OR5W2: variants seen among roughly 807,000 people sequenced by gnomAD.
OR5W2 encodes olfactory receptor family 5 subfamily W member 2.
For missense variants in OR5W2, 444 were observed against 357.1 expected (o/e 1.24, Z -1.96); for synonymous variants, 164 against 138.2 (o/e 1.19, Z -1.31).
At position 55,913,850 on chromosome 11, in the gene OR5W2, A is replaced by G; in HGVS notation, c.733T>C (p.Leu245=). The part of the protein sequence containing the change: ...FKALSTCTSH[L]SAVAIFQGTL... ...CCCTGGAAAATTGCAACCGCAGATA[A>G]GTGGGAAGTGCATGTAGAGAGAGCT... is the stretch of plus-strand genomic sequence containing the variant. Residue 245 remains leucine, a synonymous_variant, in exon 1 of 1, where the codon TTA becomes CTA. Coordinates refer to ENST00000344514, the MANE Select transcript of OR5W2 (RefSeq NM_001001960.1). The G allele has an allele frequency of 6.2e-7, 1 of 1,614,062 alleles. No individual in the cohort carries two copies. Among genetic ancestry groups the G allele is most frequent in the Admixed American group, 1.7e-5 (1 of 60,016 alleles).
rs1277173553 is a variant in OR5W2, at chr11:55,914,050, A to T, written c.533T>A (p.Phe178Tyr). Residue 178 changes from phenylalanine (F) to tyrosine (Y), a missense_variant, in exon 1 of 1, where the codon TTC becomes TAC. Physicochemically the swap from Phe to Tyr is conservative, Grantham distance 22. Transcript: ENST00000344514. ...TAATAAGAGAGGAGGGATATCACAG[A>T]AGAAATGATTAATCTCATTAGACCC... ...FCGSNEINHF[F>Y]CDIPPLLLLS... The T allele has an allele frequency of 6.2e-7, 1 of 1,613,900 alleles. No individual in the cohort carries two copies. The highest frequency in any genetic ancestry group is 2.2e-5 in the East Asian group (1 of 44,882).
rs756695449 is a variant in OR5W2 at position 55,914,448 on chromosome 11, C to G, written c.135G>C (p.Met45Ile). Residue 45 changes from methionine to isoleucine, a missense_variant, in exon 1 of 1, where the codon ATG (methionine) becomes ATC (isoleucine). Met to Ile is a conservative substitution (Grantham distance 10). Coordinates refer to ENST00000344514, the MANE Select transcript of OR5W2 (RefSeq NM_001001960.1). The stretch of plus-strand genomic sequence containing the variant: ...GGTAATCCATTCTGATTAAAACTAT[C>G]ATTCCAAGATTTGCTGAGAAATTAA... ...YIINFSANLG[M>I]IVLIRMDYQL... 4 of 1,613,620 alleles carry G rather than the reference C, an allele frequency of 2.5e-6. No individual in the cohort carries two copies. The highest frequency in any genetic ancestry group is 3.4e-6 in the Non-Finnish European group (4 of 1,179,676).
chr11:55,914,510 C>T lies in OR5W2; in HGVS notation c.73G>A (p.Val25Met). ...GCCAAGAATACAGCAAATAGGGTCA[C>T]TTTCATCTCTGGGTTATTGGTAATT... ...LGITNNPEMK[V>M]TLFAVFLAVY... Residue 25 changes from valine to methionine, a missense_variant, in exon 1 of 1, where the codon GTG becomes ATG. Physicochemically the swap from Val to Met is conservative, Grantham distance 21. Coordinates refer to ENST00000344514, the MANE Select transcript of OR5W2 (RefSeq NM_001001960.1). 1 of 1,613,628 alleles carries T rather than the reference C, an allele frequency of 6.2e-7. No homozygotes were observed. The highest frequency in any genetic ancestry group is 8.5e-7 in the Non-Finnish European group (1 of 1,179,684).
rs1445695543 is a variant in OR5W2, at chr11:55,913,781, G to C, written c.802C>G (p.Leu268Val). The C allele has an allele frequency of 6.2e-7, 1 of 1,614,062 alleles. No individual in the cohort carries two copies. Among genetic ancestry groups the C allele is most frequent in the Admixed American group, 1.7e-5 (1 of 60,014 alleles). The change falls in exon 1 of 1, where the codon CTA becomes GTA. Residue 268 changes from leucine (L) to valine (V), a missense_variant. Physicochemically the swap from Leu to Val is conservative, Grantham distance 32 (BLOSUM62 1). Coordinates refer to ENST00000344514, the MANE Select transcript of OR5W2 (RefSeq NM_001001960.1). ...MYFRPSSSYSLDQDKMTSLFY... is the reference protein window; with the variant it reads ...MYFRPSSSYSVDQDKMTSLFY... ...AATGAGGTCATTTTATCTTGATCTA[G>C]AGAATAGGAAGAACTTGGCCGGAAA...
Position 55,914,447 on chromosome 11 carries a change from T to C in OR5W2, c.136A>G (p.Ile46Val). 1 of 1,613,780 alleles carries C rather than the reference T, an allele frequency of 6.2e-7. No individual in the cohort carries two copies. Among genetic ancestry groups the C allele is most frequent in the Non-Finnish European group, 8.5e-7 (1 of 1,179,672 alleles). The change falls in exon 1 of 1, where the codon ATA becomes GTA. Residue 46 changes from isoleucine to valine, a missense_variant. Transcript: ENST00000344514. ...TGGTAATCCATTCTGATTAAAACTA[T>C]CATTCCAAGATTTGCTGAGAAATTA... ...IINFSANLGM[I>V]VLIRMDYQLH...
rs34573569 is a variant in OR5W2, at chr11:55,913,654, A to T, written c.929T>A (p.Phe310Tyr). Residue 310 changes from phenylalanine (F) to tyrosine (Y), a missense_variant, in exon 1 of 1, where the codon TTT becomes TAT. Phe to Tyr is a conservative substitution (Grantham distance 22, BLOSUM62 3). Coordinates refer to ENST00000344514, the MANE Select transcript of OR5W2 (RefSeq NM_001001960.1). ...ACATGTATTTTTACTATTTCCTTAAAATAAAATTTTATTTTTCAGTTTTTT... is the reference window on the plus strand; with the variant it reads ...ACATGTATTTTTACTATTTCCTTAATATAAAATTTTATTTTTCAGTTTTTT... ...ALKKLKNKIL[F>Y] 0.082 allele frequency: 127,715 copies of T among 1,556,640 alleles called. 5,474 individuals carry two copies. Among genetic ancestry groups the T allele is most frequent in the African/African-American group, 0.12 (8,771 of 72,192 alleles).
Position 55,913,955 on chromosome 11 carries a change from T to A in OR5W2, c.628A>T (p.Thr210Ser). Reference protein sequence around the residue: ...FTVFGFIELSTISGVFISYCY... With the variant: ...FTVFGFIELSSISGVFISYCY... ...TAAGAAATGAAAACTCCTGAAATGG[T>A]ACTCAGTTCAATAAAACCAAAGACG... Residue 210 changes from threonine (T) to serine (S), a missense_variant, in exon 1 of 1, where the codon ACC becomes TCC. Coordinates refer to ENST00000344514, the MANE Select transcript of OR5W2 (RefSeq NM_001001960.1). 6.2e-7 allele frequency: 1 copy of A among 1,613,858 alleles called. No homozygotes were observed. Among genetic ancestry groups the A allele is most frequent in the South Asian group, 1.1e-5 (1 of 91,074 alleles).
At position 55,913,729 on chromosome 11, in the gene OR5W2, A is replaced by G; in HGVS notation, c.854T>C (p.Leu285Ser). The G allele has an allele frequency of 6.2e-7, 1 of 1,614,042 alleles. No individual in the cohort carries two copies. The highest frequency in any genetic ancestry group is 8.5e-7 in the Non-Finnish European group (1 of 1,179,874). The change falls in exon 1 of 1, where the codon TTG (leucine) becomes TCG (serine). Residue 285 changes from leucine to serine, a missense_variant. Leu to Ser is a moderately radical substitution (Grantham distance 145). Transcript: ENST00000344514. ...SLFYTLVVPMLNPLIYSLRNK... is the reference protein window; with the variant it reads ...SLFYTLVVPMSNPLIYSLRNK... ...CCTCAGGCTATAAATCAGGGGGTTC[A>G]ACATGGGAACCACAAGGGTGTAAAA...
rs761026372 is a variant in OR5W2 at position 55,913,674 on chromosome 11, T to C, written c.909A>G (p.Lys303=). The change falls in exon 1 of 1, where the codon AAA becomes AAG. Residue 303 remains lysine (K), a synonymous_variant. Transcript: ENST00000344514. The stretch of plus-strand genomic sequence containing the variant: ...CTTAAAATAAAATTTTATTTTTCAG[T>C]TTTTTCAGGGCCTCTTTCACATCCT... ...RNKDVKEALK[K]LKNKILF The C allele has an allele frequency of 6.3e-7, 1 of 1,584,038 alleles. No homozygotes were observed. The highest frequency in any genetic ancestry group is 8.5e-7 in the Non-Finnish European group (1 of 1,169,620).
rs1854919981 is a variant in OR5W2, at chr11:55,914,385, C to G, written c.198G>C (p.Leu66=). 2 of 1,613,968 alleles carry G rather than the reference C, an allele frequency of 1.2e-6. No individual in the cohort carries two copies. Among genetic ancestry groups the G allele is most frequent in the East Asian group, 2.2e-5 (1 of 44,878 alleles). The part of the protein sequence containing the change: ...HTPMYFFLSH[L]SFCDLCYSTA... ...TAGAATAGCAGAGATCACAGAAAGACAGATGACTGAGGAAGAAATACATTG... is the reference window on the plus strand; with the variant it reads ...TAGAATAGCAGAGATCACAGAAAGAGAGATGACTGAGGAAGAAATACATTG... The change falls in exon 1 of 1, where the codon CTG becomes CTC. Residue 66 remains leucine (L), a synonymous_variant. Coordinates refer to ENST00000344514, the MANE Select transcript of OR5W2 (RefSeq NM_001001960.1).
rs762437896 is a variant in OR5W2, at chr11:55,914,308, A to G, written c.275T>C (p.Ile92Thr). The change falls in exon 1 of 1, where the codon ATA (isoleucine) becomes ACA (threonine). Residue 92 changes from isoleucine to threonine, a missense_variant. By Grantham distance (89) the Ile-to-Thr change is moderately conservative. Coordinates refer to ENST00000344514, the MANE Select transcript of OR5W2 (RefSeq NM_001001960.1). ...TTGCAGAGCACAGCCATAGAAGGGT[A>G]TTGACTTGTTCTTGGCAAGTAGATC... ...LVDLLAKNKS[I>T]PFYGCALQFL... 7.4e-6 allele frequency: 12 copies of G among 1,614,178 alleles called. No individual in the cohort carries two copies. The highest frequency in any genetic ancestry group is 3.3e-5 in the Admixed American group (2 of 60,030).
chr11:55,914,023 A>G lies in OR5W2; in HGVS notation c.560T>C (p.Leu187Pro). 2.5e-6 allele frequency: 4 copies of G among 1,613,392 alleles called. No individual in the cohort carries two copies. Among genetic ancestry groups the G allele is most frequent in the African/African-American group, 1.3e-5 (1 of 75,040 alleles). ...FFCDIPPLLLLSRSDTQVNEL... is the reference protein window; with the variant it reads ...FFCDIPPLLLPSRSDTQVNEL... Reference sequence around the variant, plus strand: ...ATTGACCTGTGTATCTGAGCGAGAGAGTAATAAGAGAGGAGGGATATCACA... The same window carrying G: ...ATTGACCTGTGTATCTGAGCGAGAGGGTAATAAGAGAGGAGGGATATCACA... Residue 187 changes from leucine to proline, a missense_variant, in exon 1 of 1, where the codon CTC becomes CCC. By Grantham distance (98) the Leu-to-Pro change is moderately conservative (BLOSUM62 -3). Coordinates refer to ENST00000344514, the MANE Select transcript of OR5W2 (RefSeq NM_001001960.1).
rs2457239 is a variant in OR5W2, at chr11:55,914,018, G to A, written c.565C>T (p.Arg189Cys). The change falls in exon 1 of 1, where the codon CGC becomes TGC. Residue 189 changes from arginine to cysteine, a missense_variant. Physicochemically the swap from Arg to Cys is radical, Grantham distance 180. Transcript: ENST00000344514. ...CDIPPLLLLS[R>C]SDTQVNELVL... is the part of the protein sequence containing the mutation. ...AACTCATTGACCTGTGTATCTGAGC[G>A]AGAGAGTAATAAGAGAGGAGGGATA... The A allele has an allele frequency of 1, 1,613,447 of 1,613,654 alleles. 806,620 individuals are homozygous for A. The highest frequency in any genetic ancestry group is 1 in the Middle Eastern group (6,058 of 6,058).
At position 55,914,568 on chromosome 11, in the gene OR5W2, AT is replaced by A. The variant is rs1346171195; in HGVS notation, c.14del (p.Asn5IlefsTer5). The A allele has an allele frequency of 6.3e-7, 1 of 1,593,184 alleles. No individual in the cohort carries two copies. Among genetic ancestry groups the A allele is most frequent in the African/African-American group, 1.3e-5 (1 of 74,390 alleles). ...GAAAAAAATCAGTTAATGAGGAGCA[AT>A]TTTCCCAGTCCATTCTTCCTTGTTC... Reference protein sequence around the residue: MDWENCSSLTDFFLL... With the variant: MDWEXCSSLTDFFLL... On this transcript the variant is annotated frameshift_variant, in exon 1 of 1. Coordinates refer to ENST00000344514, the MANE Select transcript of OR5W2 (RefSeq NM_001001960.1). LOFTEE classifies it low-confidence loss of function (END_TRUNC).
At position 55,913,719 on chromosome 11, in the gene OR5W2, CAGGGGG is replaced by C; in HGVS notation, c.858_863del (p.Asn286_Leu288delinsLys). 1 of 1,613,902 alleles carries C rather than the reference CAGGGGG, an allele frequency of 6.2e-7. No individual in the cohort carries two copies. Among genetic ancestry groups the C allele is most frequent in the Non-Finnish European group, 8.5e-7 (1 of 1,179,916 alleles). On this transcript the variant is annotated inframe_deletion, in exon 1 of 1. Transcript: ENST00000344514. ...CATCCTTGTTCCTCAGGCTATAAAT[CAGGGGG>C]TTCAACATGGGAACCACAAGGGTGT...
rs560416115 is a variant in OR5W2 at position 55,914,216 on chromosome 11, A to G, written c.367T>C (p.Tyr123His). The G allele has an allele frequency of 2.5e-6, 4 of 1,614,108 alleles. No homozygotes were observed. The highest frequency in any genetic ancestry group is 2.7e-5 in the African/African-American group (2 of 75,048). The change falls in exon 1 of 1, where the codon TAC becomes CAC. Residue 123 changes from tyrosine to histidine, a missense_variant. Coordinates refer to ENST00000344514, the MANE Select transcript of OR5W2 (RefSeq NM_001001960.1). ...LLLSVMAFDR[Y>H]KAIINPLLYT... Reference sequence around the variant, plus strand: ...AGCAGGGGGTTGATGATGGCCTTGTACCGATCAAAGGCCATCACTGACAGC... The same window carrying G: ...AGCAGGGGGTTGATGATGGCCTTGTGCCGATCAAAGGCCATCACTGACAGC...
Position 55,914,415 on chromosome 11 carries a change from G to T in OR5W2, c.168C>A (p.His56Gln). The change falls in exon 1 of 1, where the codon CAC (histidine) becomes CAA (glutamine). Residue 56 changes from histidine (H) to glutamine (Q), a missense_variant. Coordinates refer to ENST00000344514, the MANE Select transcript of OR5W2 (RefSeq NM_001001960.1). ...IVLIRMDYQL[H>Q]TPMYFFLSHL... ...GACTGAGGAAGAAATACATTGGTGTGTGAAGTTGGTAATCCATTCTGATTA... is the reference window on the plus strand; with the variant it reads ...GACTGAGGAAGAAATACATTGGTGTTTGAAGTTGGTAATCCATTCTGATTA... 2 of 1,613,896 alleles carry T rather than the reference G, an allele frequency of 1.2e-6. No homozygotes were observed. The highest frequency in any genetic ancestry group is 1.1e-5 in the South Asian group (1 of 91,078).
In OR5W2 at chr11:55,913,840, A is replaced by G; in HGVS notation, c.743T>C (p.Val248Ala). The change falls in exon 1 of 1, where the codon GTT becomes GCT. Residue 248 changes from valine to alanine, a missense_variant. Transcript: ENST00000344514. ...GAGCAGAGTTCCCTGGAAAATTGCA[A>G]CCGCAGATAAGTGGGAAGTGCATGT... ...LSTCTSHLSA[V>A]AIFQGTLLFM... The G allele has an allele frequency of 5.6e-6, 9 of 1,614,134 alleles. No individual in the cohort carries two copies. Among genetic ancestry groups the G allele is most frequent in the Non-Finnish European group, 7.6e-6 (9 of 1,179,998 alleles).
rs1359827476 is a variant in OR5W2 at position 55,913,959 on chromosome 11, C to CA, written c.623dup (p.Ser209GlufsTer24). On this transcript the variant is annotated frameshift_variant, in exon 1 of 1. Transcript: ENST00000344514. LOFTEE classifies it low-confidence loss of function (END_TRUNC). ...AAATGAAAACTCCTGAAATGGTACT[C>CA]AGTTCAATAAAACCAAAGACGGTGA... The CA allele has an allele frequency of 6.2e-7, 1 of 1,613,906 alleles. No individual in the cohort carries two copies. Among genetic ancestry groups the CA allele is most frequent in the Admixed American group, 1.7e-5 (1 of 60,024 alleles).
Sources: allele counts gnomAD v4.1 joint callset, GRCh38; gene constraint gnomAD v4.1.1; transcripts MANE v1.5; gene names NCBI Gene and HGNC (gene_info 2026-07-23, HGNC 2026-07-21).